Variants in SAMD4B observed in about 807,000 individuals in gnomAD.
The protein encoded by SAMD4B is sterile alpha motif domain containing 4B.
In SAMD4B, 5 loss-of-function variants were observed where a neutral mutation model predicts 74.5. That is an observed-to-expected ratio of 0.07 (90% confidence interval 0.04 to 0.14). SAMD4B has a LOEUF of 0.14. Among genes scored for constraint, SAMD4B ranks in the 10% least tolerant of loss-of-function variants. SAMD4B has a pLI of 1.00. For missense variants in SAMD4B, 608 were observed against 921.8 expected, an observed-to-expected ratio of 0.66 and a Z score of 4.41; for synonymous variants, 373 against 374.9, an observed-to-expected ratio of 1.00 and a Z score of 0.06.
chr19:39,357,936 A>C (rs543817145), intron 3 of SAMD4B, among the ~76,000 whole-genome samples: 42 of 152,342 alleles, frequency 2.8e-4, no homozygotes, highest in South Asian at 6.2e-4. Flanking sequence ...GAGCCTTTAC[A>C]GCAAGCCAAG....
chr19:39,388,509 C>T, downstream of SAMD4B: 1 of 1,613,036 alleles, frequency 6.2e-7, no homozygotes, highest in Non-Finnish European at 8.5e-7. Context: ...TCTTCCCTAT[C>T]CCAATCCCCA....
chr19:39,390,400 C>A, downstream of SAMD4B: 2 of 1,023,714 alleles, frequency 2.0e-6, no homozygotes. Flanking sequence ...ATGCTGGTTT[C>A]TTTGGGTGGT....
intron 1 of SAMD4B, chr19:39,350,316 G>T (rs922676974): frequency 6.6e-6 from 1 of 152,118 alleles, no homozygotes; most frequent in African/African-American, 2.4e-5. Flanking sequence ...AAGTATAACA[G>T]GAGAGCCAGG....
Position 39,370,440 on chromosome 19 carries a change from C to G in SAMD4B, c.667+315C>G, listed in dbSNP as rs188498218. On this transcript the variant is annotated intron_variant, in intron 4 of 13. Transcript: ENST00000610417. Reference sequence around the variant, plus strand: ...AGCCTTTCTTGAGAAGTCAAAAGATCTAGCAACTCAACAAGATCTGTTTTC... The same window carrying G: ...AGCCTTTCTTGAGAAGTCAAAAGATGTAGCAACTCAACAAGATCTGTTTTC... Among the ~76,000 whole-genome samples the G allele has an allele frequency of 1.2e-4, 18 of 152,310 alleles. No individual in the cohort carries two copies. In the East Asian group the frequency reaches 3.1e-3, roughly 26 times the overall value.
At chr19:39,348,153 G>A (rs560770582) in intron 1 of SAMD4B, 1 of 152,186 alleles carries the variant, frequency 6.6e-6, no homozygotes, top group African/African-American at 2.4e-5. Flanking sequence ...GCAGAAAAAG[G>A]ACCTCTGCAA....
Position 39,376,455 on chromosome 19 carries a change from A to G in SAMD4B, c.926A>G (p.Lys309Arg), listed in dbSNP as rs2077605700. 1 of 1,612,530 alleles carries G rather than the reference A, an allele frequency of 6.2e-7. No homozygotes were observed. The highest frequency in any genetic ancestry group is 1.7e-5 in the Admixed American group (1 of 60,004). The change falls in exon 6 of 14, where the codon AAG (lysine) becomes AGG (arginine). Residue 309 changes from lysine to arginine, a missense_variant. This residue lies in a region of SAMD4B where 39 missense variants were observed against 125.3 expected (regional missense o/e 0.31). Coordinates refer to ENST00000610417, the MANE Select transcript of SAMD4B (RefSeq NM_001384574.2). ...SGMKDVPSWL[K>R]SLRLHKYAAL... ...GCCAAAGATGTGCCCTCATGGCTCA[A>G]GAGCCTCCGTTTGCACAAGTATGCA... is the stretch of plus-strand genomic sequence containing the variant.
chr19:39,381,140 G>T (rs1351248975), intron 12 of SAMD4B, 27 bp downstream of exon 12: 1 of 1,563,646 alleles, frequency 6.4e-7, no homozygotes. Flanking sequence ...TTGGGACTCT[G>T]CCTGGCCAAC....
In SAMD4B at chr19:39,383,998, G is replaced by T. The variant is rs1191854835; in HGVS notation, c.*471G>T. The T allele has an allele frequency of 2.3e-6, 1 of 433,538 alleles. No homozygotes were observed. Among genetic ancestry groups the T allele is most frequent in the Non-Finnish European group, 4.1e-6 (1 of 243,166 alleles). The allele number at this position is 433,538 out of a possible 1,614,324, so 26.9% of individuals were successfully genotyped here. ...CAGAATGTTATTGAGAGGAGCTGGG[G>T]AGAAGGAAGGGGAGCAAGGAGAGGA... On this transcript the variant is annotated 3_prime_UTR_variant, in exon 14 of 14. Coordinates refer to ENST00000610417, the MANE Select transcript of SAMD4B (RefSeq NM_001384574.2). This position sits in a 1 kb window ranked among gnomAD's most constrained non-coding sequence, Gnocchi z 4.1.
chr19:39,343,305 C>G (rs2075444721), intron 1 of SAMD4B, among the ~76,000 whole-genome samples: 2 of 150,998 alleles, frequency 1.3e-5, no homozygotes, highest in Non-Finnish European at 3.0e-5. Flanking sequence ...CGCTCATACC[C>G]CCTGCATTTC....
chr19:39,385,916 C>CACAA (rs992254650), downstream of SAMD4B: 13 of 1,580,070 alleles, frequency 8.2e-6, no homozygotes, highest in Non-Finnish European at 1.1e-5. Context: ...GTGAAAGGCT[C>CACAA]ACAAACAGAC....
chr19:39,362,378 C>T (rs572044766), intron 3 of SAMD4B, among the ~76,000 whole-genome samples: 1 of 152,208 alleles, frequency 6.6e-6, no homozygotes, highest in South Asian at 2.1e-4. Context: ...GGAGTCGGGG[C>T]TTATAGCTGT....
downstream of SAMD4B, chr19:39,385,902 A>G: frequency 2.6e-6 from 4 of 1,552,466 alleles, no homozygotes; most frequent in Non-Finnish European, 3.5e-6. Context: ...TGGGGAACAA[A>G]CAAGTGAAAG....
intron 1 of SAMD4B, among the ~76,000 whole-genome samples, chr19:39,343,482 A>G (rs1445517080): frequency 4.0e-5 from 5 of 126,370 alleles, no homozygotes; most frequent in Admixed American, 2.6e-4. Context: ...TCCCCACCGT[A>G]TTGCAACCAT....
downstream of SAMD4B, chr19:39,389,756 A>G: frequency 6.2e-7 from 1 of 1,614,072 alleles, no homozygotes; most frequent in South Asian, 1.1e-5. The surrounding 1 kb of genome is among the most constrained non-coding windows in gnomAD (Gnocchi z 5.3). Flanking sequence ...TTTGTACTGG[A>G]CGAACCTGGG....
downstream of SAMD4B, among the ~76,000 whole-genome samples, chr19:39,388,073 G>A (rs369592099): frequency 2.6e-4 from 40 of 152,294 alleles, no homozygotes; most frequent in East Asian, 2.7e-3. Flanking sequence ...CCCAGGAAGC[G>A]GAGGTTGCAG....
intron 6 of SAMD4B, 35 bp downstream of exon 6, chr19:39,376,581 G>A (rs1194184383): frequency 6.3e-7 from 1 of 1,595,112 alleles, no homozygotes; most frequent in Non-Finnish European, 8.6e-7. Context: ...AGGTGCTGGG[G>A]GCAGCGCTAG....
At chr19:39,367,527 T>G (rs938747463) in intron 3 of SAMD4B, among the ~76,000 whole-genome samples, 2 of 131,496 alleles carry the variant, frequency 1.5e-5, no homozygotes, top group South Asian at 2.3e-4. Flanking sequence ...TTTTTTTTTT[T>G]GAGACGGAGT....
Position 39,368,201 on chromosome 19 carries a change from G to A in SAMD4B, c.197-1454G>A, listed in dbSNP as rs148109331. 4.2e-3 allele frequency among the ~76,000 whole-genome samples: 644 copies of A among 152,028 alleles called. 4 individuals are homozygous for A. The highest frequency in any genetic ancestry group is 0.015 in the African/African-American group (608 of 41,472). ...TGCACTCCAGCCTGGGCGACAGAGC[G>A]AGACTCCGCCTCAAAAAAAAAGAAA... On this transcript the variant is annotated intron_variant, in intron 3 of 13. Coordinates refer to ENST00000610417, the MANE Select transcript of SAMD4B (RefSeq NM_001384574.2).
chr19:39,378,488 T>C lies in SAMD4B; in HGVS notation c.1445-16T>C. ...TACTAGGGGTTAACCTCCTGCCCTT[T>C]CTCATGTCCCCCCAGTGTGCACCCA... On this transcript the variant is annotated splice_polypyrimidine_tract_variant and intron_variant, in intron 8 of 13. Coordinates refer to ENST00000610417, the MANE Select transcript of SAMD4B (RefSeq NM_001384574.2). The surrounding 1 kb of genome is among the most constrained non-coding windows in gnomAD (Gnocchi z 4.4). 1 of 1,613,270 alleles carries C rather than the reference T, an allele frequency of 6.2e-7. No individual in the cohort carries two copies. Among genetic ancestry groups the C allele is most frequent in the Non-Finnish European group, 8.5e-7 (1 of 1,179,446 alleles).
Sources: gnomAD v4.1 joint callset for allele counts (sites outside exome capture counted in the v4.1 genomes callset) on GRCh38, gnomAD v4.1.1 for gene constraint, gnomAD v4.1.1 regional missense constraint, Gnocchi (gnomAD v3.1) non-coding constraint, MANE v1.5 for transcripts, NCBI Gene and HGNC (gene_info 2026-07-23, HGNC 2026-07-21) for gene names.